Variants in NELFE observed in about 807,000 individuals in gnomAD.
The protein encoded by NELFE is negative elongation factor complex member E.
In NELFE, 26 loss-of-function variants were observed where a neutral mutation model predicts 55.5. That is an observed-to-expected ratio of 0.47 (90% CI 0.34 to 0.65). The LOEUF (loss-of-function observed/expected upper bound fraction) is 0.65, where lower values mean the gene tolerates loss of function less well. Among genes scored for constraint, NELFE ranks in the 30% least tolerant of loss-of-function variants. NELFE has a pLI of 0.01. For synonymous variants in NELFE, 162 were observed against 178.0 expected (o/e 0.91, Z 0.72); for missense variants, 403 against 506.9 (o/e 0.80, Z 1.97).
chr6:31,954,132 C>G lies in NELFE; in HGVS notation c.890G>C (p.Cys297Ser). The G allele has an allele frequency of 6.2e-7, 1 of 1,614,056 alleles. No homozygotes were observed. The highest frequency in any genetic ancestry group is 8.5e-7 in the Non-Finnish European group (1 of 1,180,012). The change falls in exon 9 of 11, where the codon TGT (cysteine) becomes TCT (serine). Residue 297 changes from cysteine to serine, a missense_variant and splice_region_variant. This residue lies in a region of NELFE where 77 missense variants were observed against 123.3 expected (regional missense o/e 0.62). Transcript: ENST00000375429. This position sits in a 1 kb window ranked among gnomAD's most constrained non-coding sequence, Gnocchi z 5.5. ...IDLSMDPPRN[C>S]AFVTYEKMES... ...CATCTTTTCATAGGTGACGAAGGCA[C>G]AGCTGGGATAAGAGAAAACACGGTC...
At position 31,952,191 on chromosome 6, in the gene NELFE, C is replaced by A; in HGVS notation, c.*110G>T. The A allele has an allele frequency of 7.1e-7, 1 of 1,418,224 alleles. No homozygotes were observed. 87.9% of individuals were successfully genotyped at this position (1,418,224 alleles called of 1,614,324 possible). On this transcript the variant is annotated 3_prime_UTR_variant, in exon 11 of 11. Transcript: ENST00000375429. Reference sequence around the variant, plus strand: ...CCGTTTTTAAAGGTTTAACCCCAATCCCAAGTGCTGAAAAACCAGAGGCTG... The same window carrying A: ...CCGTTTTTAAAGGTTTAACCCCAATACCAAGTGCTGAAAAACCAGAGGCTG...
chr6:31,954,476 G>A lies in NELFE; in HGVS notation c.743-34C>T, dbSNP rs1235659970. 1.3e-6 allele frequency: 2 copies of A among 1,586,392 alleles called. No individual in the cohort carries two copies. Among genetic ancestry groups the A allele is most frequent in the Admixed American group, 1.7e-5 (1 of 58,134 alleles). On this transcript the variant is annotated intron_variant, in intron 7 of 10. Coordinates refer to ENST00000375429, the MANE Select transcript of NELFE (RefSeq NM_002904.6). The surrounding 1 kb of genome is among the most constrained non-coding windows in gnomAD (Gnocchi z 5.5). Reference sequence around the variant, plus strand: ...GCACAAATCATAGTCACAAGACATAGACCATGCCACATTTCACTTAGTAGG... The same window carrying A: ...GCACAAATCATAGTCACAAGACATAAACCATGCCACATTTCACTTAGTAGG...
At position 31,954,664 on chromosome 6, in the gene NELFE, G is replaced by A; in HGVS notation, c.633C>T (p.Asp211=). ...DRERDRDRDR[D]RDRERDRDRD... Reference sequence around the variant, plus strand: ...GATCCCTGTCCCGCTCTCTGTCTCTGTCTCGATCCCGGTCTCGATCCCGCT... The same window carrying A: ...GATCCCTGTCCCGCTCTCTGTCTCTATCTCGATCCCGGTCTCGATCCCGCT... Residue 211 remains aspartate (D), a synonymous_variant, in exon 7 of 11, where the codon GAC becomes GAT. Transcript: ENST00000375429. The surrounding 1 kb of genome is among the most constrained non-coding windows in gnomAD (Gnocchi z 5.5). 6.4e-7 allele frequency: 1 copy of A among 1,572,176 alleles called. No individual in the cohort carries two copies. Among genetic ancestry groups the A allele is most frequent in the Non-Finnish European group, 8.7e-7 (1 of 1,154,306 alleles).
In NELFE at chr6:31,954,622, A is replaced by C; in HGVS notation, c.675T>G (p.Asp225Glu). The C allele has an allele frequency of 6.3e-7, 1 of 1,599,000 alleles. No individual in the cohort carries two copies. Among genetic ancestry groups the C allele is most frequent in the Non-Finnish European group, 8.5e-7 (1 of 1,173,656 alleles). ...GATCCCTGTCCCGTTCCCGGTCTCG[A>C]TCTCGATCCCGATCCCGATCCCTGT... is the stretch of plus-strand genomic sequence containing the variant. ...ERDRDRDRDR[D>E]RDRERDRDRE... Residue 225 changes from aspartate to glutamate, a missense_variant, in exon 7 of 11, where the codon GAT becomes GAG. By Grantham distance (45) the Asp-to-Glu change is conservative (BLOSUM62 2). Coordinates refer to ENST00000375429, the MANE Select transcript of NELFE (RefSeq NM_002904.6). The surrounding 1 kb of genome is among the most constrained non-coding windows in gnomAD (Gnocchi z 5.5).
intron 9 of NELFE, 29 bp from the exon 10 acceptor site, chr6:31,953,860 G>A (rs1755122088): frequency 1.3e-6 from 2 of 1,573,896 alleles, no homozygotes; most frequent in Admixed American, 1.7e-5. Context: ...GGCAGAGGAT[G>A]GGGAGGAAAA....
At chr6:31,958,817 G>A (rs1283825013) in intron 1 of NELFE, 75 bp downstream of exon 1, 16 of 666,838 alleles carry the variant, frequency 2.4e-5, no homozygotes, top group Non-Finnish European at 3.8e-5. Context: ...AGCGCCCGCA[G>A]AGCAACGCAA....
At chr6:31,958,303 C>T (rs1314249325) in intron 2 of NELFE, 69 bp downstream of exon 2, 1 of 1,449,938 alleles carries the variant, frequency 6.9e-7, no homozygotes, top group Admixed American at 1.7e-5. Flanking sequence ...TTCGCTCACA[C>T]TCACCCCATA....
In NELFE at chr6:31,958,465, G is replaced by T; in HGVS notation, c.-8-11C>A. On this transcript the variant is annotated splice_polypyrimidine_tract_variant and intron_variant, in intron 1 of 10. Coordinates refer to ENST00000375429, the MANE Select transcript of NELFE (RefSeq NM_002904.6). ...CCAACATGGTGGCTCCTAGTTCAGGGGCAGGGCCCAAGACATCTTTCTCCA... is the reference window on the plus strand; with the variant it reads ...CCAACATGGTGGCTCCTAGTTCAGGTGCAGGGCCCAAGACATCTTTCTCCA... The T allele has an allele frequency of 1.2e-6, 2 of 1,610,988 alleles. No homozygotes were observed. The highest frequency in any genetic ancestry group is 1.7e-6 in the Non-Finnish European group (2 of 1,178,196).
rs184657492 is a variant in NELFE at position 31,955,518 on chromosome 6, A to G, written c.292-225T>C. On this transcript the variant is annotated intron_variant, in intron 4 of 10. Coordinates refer to ENST00000375429, the MANE Select transcript of NELFE (RefSeq NM_002904.6). ...GGCTGGAGTGCAATAGAGCAATCGTAGCTTGCTGCAGCCTTGACCTCCCAT... is the reference window on the plus strand; with the variant it reads ...GGCTGGAGTGCAATAGAGCAATCGTGGCTTGCTGCAGCCTTGACCTCCCAT... Among the ~76,000 whole-genome samples the G allele has an allele frequency of 2.0e-3, 273 of 137,982 alleles. 14 individuals are homozygous for G. The East Asian group carries it at 0.042, about 21-fold the overall frequency. 90.5% of individuals were successfully genotyped at this position (137,982 alleles called of 152,430 possible). A position where few individuals can be genotyped will look rare whatever the true frequency, so the allele number is the denominator to read the frequency against.
In NELFE at chr6:31,957,337, CATCT is replaced by C. The variant is rs562848537; in HGVS notation, c.76-331_76-328del. Reference sequence around the variant, plus strand: ...ATGTGCCTTTCCTGGAAGCTTCATCCATCTATTTCCTGCATATTGAATGAGGCCC... The same window carrying C: ...ATGTGCCTTTCCTGGAAGCTTCATCCATTTCCTGCATATTGAATGAGGCCC... On this transcript the variant is annotated intron_variant, in intron 2 of 10. Transcript: ENST00000375429. 2.7e-5 allele frequency: 15 copies of C among 562,494 alleles called. No homozygotes were observed. In the Admixed American group the frequency reaches 3.4e-4, roughly 13 times the overall value. The allele number at this position is 562,494 out of a possible 1,614,324, so 34.8% of individuals were successfully genotyped here.
rs1772280994 is a variant in NELFE, at chr6:31,958,952, A to G, written c.-69T>C. 1.2e-5 allele frequency: 7 copies of G among 599,866 alleles called. 1 individual carries two copies. In the South Asian group the frequency reaches 1.4e-4, roughly 12 times the overall value. 37.2% of individuals were successfully genotyped at this position (599,866 alleles called of 1,614,324 possible). ...GGCCGCGCCCGCGCTGGCCGCTGAT[A>G]GCGGGCTCACAACGATGACGTAGCG... On this transcript the variant is annotated 5_prime_UTR_variant, in exon 1 of 11. Coordinates refer to ENST00000375429, the MANE Select transcript of NELFE (RefSeq NM_002904.6).
intron 4 of NELFE, 86 bp from the exon 5 acceptor site, chr6:31,955,379 C>A: frequency 4.6e-6 from 4 of 872,878 alleles, no homozygotes; most frequent in Non-Finnish European, 7.0e-6. Context: ...TCACCCTCTT[C>A]TAGGTTTCCT....
At chr6:31,952,877 C>G (rs1383535645) in intron 10 of NELFE, among the ~76,000 whole-genome samples, 4 of 152,234 alleles carry the variant, frequency 2.6e-5, no homozygotes, top group African/African-American at 7.2e-5. Flanking sequence ...AGAACTCATT[C>G]AGGGTGTAGC....
rs761830451 is a variant in NELFE at position 31,954,249 on chromosome 6, C to A, written c.887+49G>T. 6.2e-7 allele frequency: 1 copy of A among 1,610,106 alleles called. No individual in the cohort carries two copies. On this transcript the variant is annotated intron_variant, in intron 8 of 10. Transcript: ENST00000375429. This position sits in a 1 kb window ranked among gnomAD's most constrained non-coding sequence, Gnocchi z 5.5. ...GCAGCTTCTTCCCTCAGGTCTCACA[C>A]CCCAGGATTCTCCCAGGACTTCTCA...
At chr6:31,956,276 A>G (rs1216090280) in intron 4 of NELFE, among the ~76,000 whole-genome samples, 3 of 150,706 alleles carry the variant, frequency 2.0e-5, no homozygotes, top group Non-Finnish European at 2.9e-5. Context: ...GGGTTTTACC[A>G]TGTTGGCCAG....
At position 31,955,224 on chromosome 6, in the gene NELFE, G is replaced by T; in HGVS notation, c.361C>A (p.Gln121Lys). 1 of 1,608,916 alleles carries T rather than the reference G, an allele frequency of 6.2e-7. No homozygotes were observed. The highest frequency in any genetic ancestry group is 8.5e-7 in the Non-Finnish European group (1 of 1,177,892). The change falls in exon 5 of 11, where the codon CAA becomes AAA. Residue 121 changes from glutamine (Q) to lysine (K), a missense_variant. Gln to Lys is a moderately conservative substitution (Grantham distance 53, BLOSUM62 1). This residue lies in a region of NELFE where 97 missense variants were observed against 155.3 expected (regional missense o/e 0.62). Coordinates refer to ENST00000375429, the MANE Select transcript of NELFE (RefSeq NM_002904.6). ...QRSISADDDL[Q>K]ESSRRPQRKS... ...CAGAAATTAGGAGCCTTTACCTCTT[G>T]CAGGTCATCATCAGCAGATATGCTC...
chr6:31,957,322 C>T, intron 2 of NELFE: 3 of 591,654 alleles, frequency 5.1e-6, no homozygotes. Context: ...ATGTGCCTTT[C>T]CTGGAAGCTT....
chr6:31,952,379 C>T lies in NELFE; in HGVS notation c.1065G>A (p.Lys355=). The T allele has an allele frequency of 6.2e-7, 1 of 1,613,996 alleles. No homozygotes were observed. Among genetic ancestry groups the T allele is most frequent in the Non-Finnish European group, 8.5e-7 (1 of 1,179,898 alleles). Residue 355 remains lysine, a synonymous_variant, in exon 11 of 11, where the codon AAG becomes AAA. Transcript: ENST00000375429. ...WGSLAVQNSP[K]GCHRDKRTQI... Reference sequence around the variant, plus strand: ...GGGTCCTCTTGTCCCGGTGGCAACCCTTAGGGCTGTTCTGGACAGCTAGGG... The same window carrying T: ...GGGTCCTCTTGTCCCGGTGGCAACCTTTAGGGCTGTTCTGGACAGCTAGGG...
chr6:31,957,342 AT>A, intron 2 of NELFE: 1 of 556,800 alleles, frequency 1.8e-6, no homozygotes. Context: ...TCATCCATCT[AT>A]TTCCTGCATA....
Sources: allele counts gnomAD v4.1 joint callset (sites outside exome capture counted in the v4.1 genomes callset), GRCh38; gene constraint gnomAD v4.1.1; regional missense constraint gnomAD v4.1.1; non-coding constraint Gnocchi (gnomAD v3.1); transcripts MANE v1.5; gene names NCBI Gene and HGNC (gene_info 2026-07-23, HGNC 2026-07-21).